The following SMG1 variants were observed in gnomAD, a reference collection of about 807,000 sequenced individuals.
SMG1 encodes serine/threonine-protein kinase SMG1.
A neutral mutation model predicts 419.9 loss-of-function variants in SMG1; 22 were observed. That is an observed-to-expected ratio of 0.05 (90% confidence interval 0.04 to 0.07). The LOEUF (loss-of-function observed/expected upper bound fraction) is 0.07, where lower values mean the gene tolerates loss of function less well. SMG1 is among the 10% of genes least tolerant of loss of function. SMG1 has a pLI of 1.00. For missense variants in SMG1, 3,185 were observed against 4,342.0 expected (o/e 0.73, Z 7.49); for synonymous variants, 1,538 against 1,553.5 (o/e 0.99, Z 0.23).
At chr16:18,814,717 A>G (rs1433680764) in intron 60 of SMG1, among the ~76,000 whole-genome samples, 6 of 143,170 alleles carry the variant, frequency 4.2e-5, no homozygotes, top group Non-Finnish European at 7.7e-5. Context: ...TGGGACTACA[A>G]GCATCTGGCA....
rs56381713 is a variant in SMG1, at chr16:18,844,570, T to TCACACACACACACACACACACA, written c.6219+858_6219+859insTGTGTGTGTGTGTGTGTGTGTG. ...ACACATAATAAACTTCATCCTTCTC[T>TCACACACACACACACACACACA]CACACACACACACGGAAACTCGAGT... is the stretch of plus-strand genomic sequence containing the variant. On this transcript the variant is annotated intron_variant, in intron 39 of 62. Coordinates refer to ENST00000446231, the MANE Select transcript of SMG1 (RefSeq NM_015092.5). Among the ~76,000 whole-genome samples the TCACACACACACACACACACACA allele has an allele frequency of 2.7e-3, 236 of 88,470 alleles. 6 individuals carry two copies. The highest frequency in any genetic ancestry group is 7.8e-3 in the East Asian group (29 of 3,730). The allele number at this position is 88,470 out of a possible 152,430, so 58.0% of individuals were successfully genotyped here.
chr16:18,908,056 C>G (rs2037640294), intron 1 of SMG1, among the ~76,000 whole-genome samples: 1 of 151,852 alleles, frequency 6.6e-6, no homozygotes. Context: ...ATATGCATCC[C>G]TCCCCGACCA....
At chr16:18,821,252 C>CTT (rs1201180176) in intron 55 of SMG1, among the ~76,000 whole-genome samples, 2 of 26,664 alleles carry the variant, frequency 7.5e-5, no homozygotes, top group South Asian at 1.5e-3. Context: ...TTTTTTTTTT[C>CTT]TTTTTTTTTT....
rs769135706 is a variant in SMG1 at position 18,896,155 on chromosome 16, C to A, written c.309G>T (p.Ser103=). 9 of 1,568,158 alleles carry A rather than the reference C, an allele frequency of 5.7e-6. No homozygotes were observed. Among genetic ancestry groups the A allele is most frequent in the Non-Finnish European group, 7.0e-6 (8 of 1,139,972 alleles). The change falls in exon 3 of 63, where the codon TCG becomes TCT. Residue 103 remains serine, a synonymous_variant. Coordinates refer to ENST00000446231, the MANE Select transcript of SMG1 (RefSeq NM_015092.5). ...TGTTAACCCTCAGCTCTTGCCCCAA[C>A]GACTTCCGACCATAAGTATTTTCCC... ...GSGENTYGRK[S]LGQELRVNNV...
chr16:18,903,934 C>CTTTTTTTTTTTT (rs71141091), intron 1 of SMG1, among the ~76,000 whole-genome samples: 3 of 99,876 alleles, frequency 3.0e-5, no homozygotes, highest in Non-Finnish European at 3.8e-5. Context: ...TATGTCTTGT[C>CTTTTTTTTTTTT]TTTTTTTTTT....
At chr16:18,902,961 C>T (rs2037407120) in intron 1 of SMG1, among the ~76,000 whole-genome samples, 1 of 152,084 alleles carries the variant, frequency 6.6e-6, no homozygotes, top group Non-Finnish European at 1.5e-5. Context: ...AGACCACAGG[C>T]TTACTCCACC....
Position 18,839,952 on chromosome 16 carries a change from G to GA in SMG1, c.6697-7dup. The GA allele has an allele frequency of 2.6e-6, 4 of 1,526,648 alleles. No individual in the cohort carries two copies. The highest frequency in any genetic ancestry group is 3.5e-6 in the Non-Finnish European group (4 of 1,135,634). The allele number at this position is 1,526,648 out of a possible 1,614,324, so 94.6% of individuals were successfully genotyped here. The stretch of plus-strand genomic sequence containing the variant: ...GTTTGGTAGGAATCTTGGGCCTTAA[G>GA]AAAAAACAATTTTTTTAAAAAAGAA... On this transcript the variant is annotated splice_polypyrimidine_tract_variant and splice_region_variant and intron_variant, in intron 41 of 62. Transcript: ENST00000446231.
In SMG1 at chr16:18,871,353, C is replaced by G. The variant is rs77414273; in HGVS notation, c.2302+11G>C. The G allele has an allele frequency of 2.5e-5, 24 of 942,986 alleles. 1 individual carries two copies. In the Admixed American group the frequency reaches 7.8e-4, roughly 30 times the overall value. The allele number at this position is 942,986 out of a possible 1,614,324, so 58.4% of individuals were successfully genotyped here. The stretch of plus-strand genomic sequence containing the variant: ...AACAAAATAGAAAAAAAAAAAAAAA[C>G]AGAGTCTTACTGTTGGCTAAAAGGC... On this transcript the variant is annotated intron_variant, in intron 16 of 62. Transcript: ENST00000446231.
intron 15 of SMG1, among the ~76,000 whole-genome samples, 198 bp from the exon 16 acceptor site, chr16:18,871,680 G>C (rs1334586009): frequency 2.0e-5 from 3 of 152,140 alleles, no homozygotes; most frequent in Admixed American, 6.5e-5. Context: ...TCCCAACGCA[G>C]CATGATAATA....
intron 6 of SMG1, among the ~76,000 whole-genome samples, chr16:18,887,546 G>T (rs551132333): frequency 2.6e-5 from 2 of 75,960 alleles, no homozygotes; most frequent in Non-Finnish European, 5.5e-5. Flanking sequence ...TAGAAACAGG[G>T]TTTCACCATG....
intron 1 of SMG1, chr16:18,900,038 A>T: frequency 6.6e-7 from 1 of 1,522,858 alleles, no homozygotes; most frequent in Non-Finnish European, 8.8e-7. Context: ...TTTTGCATCA[A>T]GTCAATCTGT....
At chr16:18,847,166 C>CT (rs1460306861) in intron 38 of SMG1, among the ~76,000 whole-genome samples, 2 of 151,996 alleles carry the variant, frequency 1.3e-5, no homozygotes, top group African/African-American at 4.8e-5. Flanking sequence ...TATGAGGTAG[C>CT]TAAAATAGGC....
Position 18,885,656 on chromosome 16 carries a change from G to T in SMG1, c.833C>A (p.Thr278Asn). 1 of 1,595,986 alleles carries T rather than the reference G, an allele frequency of 6.3e-7. No individual in the cohort carries two copies. The highest frequency in any genetic ancestry group is 8.5e-7 in the Non-Finnish European group (1 of 1,179,516). Residue 278 changes from threonine (T) to asparagine (N), a missense_variant, in exon 7 of 63, where the codon ACC (threonine) becomes AAC (asparagine). Coordinates refer to ENST00000446231, the MANE Select transcript of SMG1 (RefSeq NM_015092.5). ...ATTTTCAAGAATAGACTGCAGGCTG[G>T]TCATTACAAGCTTAAAAATAAAAAG... is the stretch of plus-strand genomic sequence containing the variant. ...AFSSVMQLVM[T>N]SLQSILENVD...
intron 5 of SMG1, 80 bp downstream of exon 5, chr16:18,890,783 T>C: frequency 1.3e-6 from 1 of 742,082 alleles, no homozygotes; most frequent in Non-Finnish European, 2.4e-6. Flanking sequence ...GCCAGTGGGT[T>C]TGTCTTCTTG....
intron 1 of SMG1, among the ~76,000 whole-genome samples, chr16:18,900,286 T>C (rs2037295951): frequency 6.6e-6 from 1 of 152,164 alleles, no homozygotes; most frequent in Non-Finnish European, 1.5e-5. Flanking sequence ...AACTGTAACA[T>C]ACAAATCACA....
At chr16:18,873,176 C>T (rs1420403192) in intron 13 of SMG1, among the ~76,000 whole-genome samples, 1 of 152,036 alleles carries the variant, frequency 6.6e-6, no homozygotes, top group Non-Finnish European at 1.5e-5. Flanking sequence ...CAAAAAACAC[C>T]AGCCACATAC....
rs148217673 is a variant in SMG1 at position 18,858,826 on chromosome 16, A to G, written c.4113+196T>C. The G allele has an allele frequency of 5.0e-3, 2,409 of 477,768 alleles. 71 individuals are homozygous for G. The highest frequency in any genetic ancestry group is 0.045 in the African/African-American group (2,192 of 49,172). The allele number at this position is 477,768 out of a possible 1,614,324, so 29.6% of individuals were successfully genotyped here. A position where few individuals can be genotyped will look rare whatever the true frequency, so the allele number is the denominator to read the frequency against. On this transcript the variant is annotated intron_variant, in intron 28 of 62. Coordinates refer to ENST00000446231, the MANE Select transcript of SMG1 (RefSeq NM_015092.5). The stretch of plus-strand genomic sequence containing the variant: ...AAAACTGAGCAATTTGCCATCCTTG[A>G]GATTATCTCAGGTTCTTCCATCTGC...
At chr16:18,899,095 C>T (rs1329709997) in intron 1 of SMG1, among the ~76,000 whole-genome samples, 1 of 152,122 alleles carries the variant, frequency 6.6e-6, no homozygotes, top group African/African-American at 2.4e-5. Flanking sequence ...AACTCAGTTT[C>T]CAGTCTAAAA....
At chr16:18,870,367 T>C (rs1166961201) in intron 18 of SMG1, among the ~76,000 whole-genome samples, 1 of 152,210 alleles carries the variant, frequency 6.6e-6, no homozygotes, top group Non-Finnish European at 1.5e-5. Context: ...AGAAACATAT[T>C]TTGGCACTAC....
Sources: allele counts gnomAD v4.1 joint callset (sites outside exome capture counted in the v4.1 genomes callset), GRCh38; gene constraint gnomAD v4.1.1; transcripts MANE v1.5; gene names NCBI Gene and HGNC (gene_info 2026-07-23, HGNC 2026-07-21).